PCOLCE2: variants seen among roughly 807,000 people sequenced by gnomAD.
PCOLCE2 encodes procollagen C-proteinase enhancer 2.
PCOLCE2 carries 42 observed loss-of-function variants against 47.0 expected under a neutral mutation model. The observed-to-expected ratio is 0.89, with a 90% CI of 0.70 to 1.16. PCOLCE2 has a LOEUF of 1.16. Ranked by LOEUF, PCOLCE2 falls within the 50% of genes most tolerant of loss-of-function variation. PCOLCE2 has a pLI of 0.00. For synonymous variants in PCOLCE2, 169 were observed against 191.7 expected (o/e 0.88, Z 0.98); for missense variants, 500 against 526.1 (o/e 0.95, Z 0.49).
At chr3:142,848,734 AT>A (rs1937356990) in intron 2 of PCOLCE2, among the ~76,000 whole-genome samples, 1 of 152,218 alleles carries the variant, frequency 6.6e-6, no homozygotes, top group South Asian at 2.1e-4. Flanking sequence ...AAGCTGCAAA[AT>A]ATTAGGTCAG....
intron 2 of PCOLCE2, among the ~76,000 whole-genome samples, chr3:142,867,942 T>C (rs1043876793): frequency 4.6e-5 from 7 of 152,204 alleles, no homozygotes; most frequent in African/African-American, 1.2e-4. Context: ...CTCAGAAAAG[T>C]ATCTGAGATG....
At chr3:142,831,053 T>C (rs1937147106) in intron 5 of PCOLCE2, among the ~76,000 whole-genome samples, 1 of 152,204 alleles carries the variant, frequency 6.6e-6, no homozygotes, top group African/African-American at 2.4e-5. Context: ...AGCCAGGGGA[T>C]GAGATGAATC....
At chr3:142,866,881 G>C (rs925379810) in intron 2 of PCOLCE2, among the ~76,000 whole-genome samples, 1 of 152,208 alleles carries the variant, frequency 6.6e-6, no homozygotes, top group African/African-American at 2.4e-5. Context: ...ATATGTAAAT[G>C]CAGGCAGCTA....
At chr3:142,835,459 T>C (rs749069535) in intron 5 of PCOLCE2, among the ~76,000 whole-genome samples, 6 of 151,166 alleles carry the variant, frequency 4.0e-5, no homozygotes, top group Non-Finnish European at 1.5e-5. Context: ...ATTTTCAAAC[T>C]CTGTTTTTAT....
chr3:142,862,201 C>G (rs956641768), intron 2 of PCOLCE2, among the ~76,000 whole-genome samples: 4 of 152,178 alleles, frequency 2.6e-5, no homozygotes, highest in Non-Finnish European at 5.9e-5. Context: ...GTTAACCGCT[C>G]TTACAGAGGC....
At chr3:142,820,619 A>G (rs187924393) in intron 8 of PCOLCE2, among the ~76,000 whole-genome samples, 11 of 152,034 alleles carry the variant, frequency 7.2e-5, no homozygotes, top group Admixed American at 2.6e-4. Flanking sequence ...AAATCTCTCC[A>G]CCCTGCACTG....
In PCOLCE2 at chr3:142,862,055, G is replaced by A. The variant is rs79697336; in HGVS notation, c.193-13583C>T. 4.9e-3 allele frequency among the ~76,000 whole-genome samples: 753 copies of A among 152,240 alleles called. 7 individuals are homozygous for A. Among genetic ancestry groups the A allele is most frequent in the African/African-American group, 0.017 (722 of 41,536 alleles). Reference sequence around the variant, plus strand: ...GCCACACCTGGGCCTGACCTCTTCTGCTAGGCTTGCAGTTCTGAAGCCCAG... The same window carrying A: ...GCCACACCTGGGCCTGACCTCTTCTACTAGGCTTGCAGTTCTGAAGCCCAG... On this transcript the variant is annotated intron_variant, in intron 2 of 8. Coordinates refer to ENST00000295992, the MANE Select transcript of PCOLCE2 (RefSeq NM_013363.4).
Position 142,842,903 on chromosome 3 carries a change from C to T in PCOLCE2, c.573+21G>A, listed in dbSNP as rs780680295. 4.3e-6 allele frequency: 7 copies of T among 1,613,382 alleles called. No homozygotes were observed. Among genetic ancestry groups the T allele is most frequent in the Non-Finnish European group, 5.9e-6 (7 of 1,179,558 alleles). The stretch of plus-strand genomic sequence containing the variant: ...GCAATTCACACATGCATGCTTTCTT[C>T]ACACTTCCAGGGAATCTCACCTGAT... On this transcript the variant is annotated intron_variant, in intron 4 of 8. Coordinates refer to ENST00000295992, the MANE Select transcript of PCOLCE2 (RefSeq NM_013363.4). This position sits in a 1 kb window ranked among gnomAD's most constrained non-coding sequence, Gnocchi z 4.1.
intron 3 of PCOLCE2, among the ~76,000 whole-genome samples, chr3:142,847,605 C>T (rs1377491213): frequency 1.3e-5 from 2 of 152,168 alleles, no homozygotes; most frequent in African/African-American, 2.4e-5. Context: ...GGCATGATCA[C>T]GGTCACTGCA....
chr3:142,882,942 T>C (rs1560143181), intron 2 of PCOLCE2, among the ~76,000 whole-genome samples: 2 of 152,104 alleles, frequency 1.3e-5, no homozygotes, highest in Non-Finnish European at 2.9e-5. Context: ...AGCTCACGCC[T>C]GTAATCCCAG....
At chr3:142,829,161 C>A (rs73864460) in intron 6 of PCOLCE2, among the ~76,000 whole-genome samples, 1 of 152,060 alleles carries the variant, frequency 6.6e-6, no homozygotes, top group Admixed American at 6.5e-5. Context: ...CCTCAGCCCC[C>A]CAGGCCAGTT....
Position 142,879,204 on chromosome 3 carries a change from G to C in PCOLCE2, c.192+8465C>G, listed in dbSNP as rs966205940. Among the ~76,000 whole-genome samples the C allele has an allele frequency of 2.0e-5, 3 of 151,838 alleles. No homozygotes were observed. The East Asian group carries it at 5.8e-4, about 29-fold the overall frequency. On this transcript the variant is annotated intron_variant, in intron 2 of 8. Coordinates refer to ENST00000295992, the MANE Select transcript of PCOLCE2 (RefSeq NM_013363.4). ...ATTTTTATAGTGATGTTTCAGGAAAGAATGATTTTTGTTTGGTATGAATAT... is the reference window on the plus strand; with the variant it reads ...ATTTTTATAGTGATGTTTCAGGAAACAATGATTTTTGTTTGGTATGAATAT...
Position 142,827,403 on chromosome 3 carries a change from T to G in PCOLCE2, c.865+2289A>C, listed in dbSNP as rs1937094201. On this transcript the variant is annotated intron_variant, in intron 6 of 8. Coordinates refer to ENST00000295992, the MANE Select transcript of PCOLCE2 (RefSeq NM_013363.4). The stretch of plus-strand genomic sequence containing the variant: ...GCTCTGTTGGCTGAGGAGACAACCT[T>G]CTTGGAGCCAGAGGGCAGCTTCACA... 1.9e-6 allele frequency: 3 copies of G among 1,567,278 alleles called. No individual in the cohort carries two copies. The Admixed American group carries it at 5.0e-5, about 26-fold the overall frequency.
rs1252169846 is a variant in PCOLCE2, at chr3:142,842,930, C to G, written c.567G>C (p.Lys189Asn). Residue 189 changes from lysine to asparagine, a missense_variant, in exon 4 of 9, where the codon AAG becomes AAC. By Grantham distance (94) the Lys-to-Asn change is moderately conservative (BLOSUM62 0). Transcript: ENST00000295992. This position sits in a 1 kb window ranked among gnomAD's most constrained non-coding sequence, Gnocchi z 4.1. Reference protein sequence around the residue: ...VTCVWHIVAPKNQLIELKFEK... With the variant: ...VTCVWHIVAPNNQLIELKFEK... ...CACTTCCAGGGAATCTCACCTGATT[C>G]TTTGGGGCTACAATGTGCCACACAC... is the stretch of plus-strand genomic sequence containing the variant. 3.7e-6 allele frequency: 6 copies of G among 1,614,046 alleles called. No homozygotes were observed. The highest frequency in any genetic ancestry group is 5.1e-6 in the Non-Finnish European group (6 of 1,179,964).
chr3:142,829,584 T>C (rs1471230820), intron 6 of PCOLCE2, 108 bp downstream of exon 6: 19 of 781,796 alleles, frequency 2.4e-5, no homozygotes, highest in Non-Finnish European at 3.0e-5. Context: ...GCTTTCATCC[T>C]ATTTAACTTT....
At chr3:142,852,657 G>A (rs914669133) in intron 2 of PCOLCE2, among the ~76,000 whole-genome samples, 2 of 149,992 alleles carry the variant, frequency 1.3e-5, no homozygotes, top group Non-Finnish European at 3.0e-5. Context: ...ATGTGTGTGT[G>A]TGTGTGTGTG....
At chr3:142,831,361 G>A (rs896393027) in intron 5 of PCOLCE2, among the ~76,000 whole-genome samples, 2 of 152,226 alleles carry the variant, frequency 1.3e-5, no homozygotes, top group Non-Finnish European at 2.9e-5. Flanking sequence ...CCTGTGCTGC[G>A]TGGGGACTTT....
chr3:142,818,764 A>T (rs898719152), intron 8 of PCOLCE2, among the ~76,000 whole-genome samples: 1 of 152,010 alleles, frequency 6.6e-6, no homozygotes, highest in Non-Finnish European at 1.5e-5. Context: ...CTGTTTTAAG[A>T]CTCTCATCGG....
At chr3:142,821,371 A>C (rs568337784) in intron 7 of PCOLCE2, among the ~76,000 whole-genome samples, 18 of 152,176 alleles carry the variant, frequency 1.2e-4, no homozygotes, top group Non-Finnish European at 2.1e-4. Context: ...AGTCTGGCTT[A>C]TGAGGCTCTA....
Sources: gnomAD v4.1 joint callset for allele counts (sites outside exome capture counted in the v4.1 genomes callset) on GRCh38, gnomAD v4.1.1 for gene constraint, Gnocchi (gnomAD v3.1) non-coding constraint, MANE v1.5 for transcripts, NCBI Gene and HGNC (gene_info 2026-07-23, HGNC 2026-07-21) for gene names.